MYRIP: variants seen among roughly 807,000 people sequenced by gnomAD.
The protein encoded by MYRIP is rab effector MyRIP.
A neutral mutation model predicts 98.0 loss-of-function variants in MYRIP; 49 were observed. The ratio of observed to expected loss-of-function variants is 0.50; its 90% CI spans 0.40 to 0.63. The LOEUF is 0.63. Among genes scored for constraint, MYRIP ranks in the 30% least tolerant of loss-of-function variants. MYRIP has a pLI of 0.00. For missense variants in MYRIP, 1,004 were observed against 1,058.2 expected (o/e 0.95, Z 0.71); for synonymous variants, 404 against 409.5 (o/e 0.99, Z 0.16).
At position 39,915,494 on chromosome 3, in the gene MYRIP, A is replaced by C. The variant is rs145310629; in HGVS notation, c.110+14568A>C. ...GCTAACTAAAAATTATATACTAATAAAAAATTATTTTCATGGTGAGCTTCT... is the reference window on the plus strand; with the variant it reads ...GCTAACTAAAAATTATATACTAATACAAAATTATTTTCATGGTGAGCTTCT... On this transcript the variant is annotated intron_variant, in intron 2 of 16. Coordinates refer to ENST00000302541, the MANE Select transcript of MYRIP (RefSeq NM_015460.4). Among the ~76,000 whole-genome samples, 1,403 of 152,156 alleles carry C rather than the reference A, an allele frequency of 9.2e-3. 25 individuals carry two copies. The highest frequency in any genetic ancestry group is 0.032 in the African/African-American group (1,328 of 41,566).
chr3:39,966,105 A>T (rs1448911326), intron 2 of MYRIP, among the ~76,000 whole-genome samples: 1 of 152,098 alleles, frequency 6.6e-6, no homozygotes, highest in African/African-American at 2.4e-5. Context: ...CGAGGTAAGT[A>T]CACCCCAGCC....
At chr3:39,914,957 T>C (rs1285676774) in intron 2 of MYRIP, among the ~76,000 whole-genome samples, 1 of 152,118 alleles carries the variant, frequency 6.6e-6, no homozygotes, top group Non-Finnish European at 1.5e-5. Flanking sequence ...CACTTAGATT[T>C]TATTCAGCTA....
intron 1 of MYRIP, among the ~76,000 whole-genome samples, chr3:39,876,718 G>T (rs187975599): frequency 0.17 from 25,228 of 151,656 alleles, 3,987 homozygotes; most frequent in African/African-American, 0.41. Context: ...TCTGCTGTTA[G>T]TCTGATGGGT....
rs555670770 is a variant in MYRIP, at chr3:39,975,432, T to C, written c.111-68618T>C. Among the ~76,000 whole-genome samples the C allele has an allele frequency of 9.7e-3, 1,478 of 151,806 alleles. 19 individuals carry two copies. The highest frequency in any genetic ancestry group is 0.034 in the African/African-American group (1,409 of 41,218). ...CAAATGGAAGAACATTCCATGCTCA[T>C]GGGTAGGAAGAATCAATATCGTGAA... On this transcript the variant is annotated intron_variant, in intron 2 of 16. Transcript: ENST00000302541.
chr3:39,857,663 A>T (rs7639033), intron 1 of MYRIP, among the ~76,000 whole-genome samples: 74,102 of 152,010 alleles, frequency 0.49, 19,523 homozygotes, highest in African/African-American at 0.7. Context: ...AAAAACAAAC[A>T]TATTAAGCAT....
intron 3 of MYRIP, among the ~76,000 whole-genome samples, chr3:40,046,179 T>G (rs747333971): frequency 2.6e-5 from 4 of 151,844 alleles, no homozygotes; most frequent in Non-Finnish European, 4.4e-5. Flanking sequence ...TTTTCTGAAA[T>G]GAGAAGAAGG....
rs542709088 is a variant in MYRIP at position 39,852,987 on chromosome 3, G to C, written c.-31+43071G>C. On this transcript the variant is annotated intron_variant, in intron 1 of 16. Coordinates refer to ENST00000302541, the MANE Select transcript of MYRIP (RefSeq NM_015460.4). ...GATAGAGACGGGGTTTCATCATGTTGGTCAGGGTGATCTCGAACTCCTGAC... is the reference window on the plus strand; with the variant it reads ...GATAGAGACGGGGTTTCATCATGTTCGTCAGGGTGATCTCGAACTCCTGAC... Among the ~76,000 whole-genome samples, 7 of 152,222 alleles carry C rather than the reference G, an allele frequency of 4.6e-5. 2 individuals carry two copies. Among genetic ancestry groups the C allele is most frequent in the African/African-American group, 1.7e-4 (7 of 41,528 alleles).
chr3:39,817,224 C>T (rs141765383), intron 1 of MYRIP, among the ~76,000 whole-genome samples: 1 of 152,280 alleles, frequency 6.6e-6, no homozygotes, highest in African/African-American at 2.4e-5. Context: ...GCTGACAGCC[C>T]TAAACCTGGT....
intron 3 of MYRIP, among the ~76,000 whole-genome samples, chr3:40,147,720 G>A (rs372527839): frequency 2.0e-5 from 3 of 152,150 alleles, no homozygotes; most frequent in African/African-American, 7.2e-5. Context: ...TTGATTTTCT[G>A]AAAGCTTCTA....
At chr3:39,984,517 A>C (rs1945983261) in intron 2 of MYRIP, among the ~76,000 whole-genome samples, 1 of 152,198 alleles carries the variant, frequency 6.6e-6, no homozygotes. Context: ...GACAATGATG[A>C]TTTCCAATTT....
intron 3 of MYRIP, among the ~76,000 whole-genome samples, chr3:40,123,663 C>T (rs980133497): frequency 1.6e-4 from 24 of 152,196 alleles, no homozygotes; most frequent in African/African-American, 5.8e-4. Context: ...AGCCTAAGAT[C>T]CATTGTGAGC....
chr3:39,904,847 GA>G (rs1236639600), intron 2 of MYRIP, among the ~76,000 whole-genome samples: 1 of 152,148 alleles, frequency 6.6e-6, no homozygotes, highest in Non-Finnish European at 1.5e-5. Context: ...CAGCACTGGG[GA>G]TGTGATGCAT....
rs544879146 is a variant in MYRIP at position 40,224,795 on chromosome 3, G to A, written c.1906-9064G>A. 2.0e-5 allele frequency among the ~76,000 whole-genome samples: 3 copies of A among 152,328 alleles called. No homozygotes were observed. In the East Asian group the frequency reaches 5.8e-4, roughly 29 times the overall value. Reference sequence around the variant, plus strand: ...AGTTCTCCTCTAATCTCTGTTATGTGTAAATGTTTCAGTGCATTACATATG... The same window carrying A: ...AGTTCTCCTCTAATCTCTGTTATGTATAAATGTTTCAGTGCATTACATATG... On this transcript the variant is annotated intron_variant, in intron 11 of 16. Coordinates refer to ENST00000302541, the MANE Select transcript of MYRIP (RefSeq NM_015460.4).
intron 4 of MYRIP, 68 bp downstream of exon 4, chr3:40,151,252 C>A: frequency 1.3e-6 from 2 of 1,493,100 alleles, no homozygotes; most frequent in African/African-American, 1.4e-5. Flanking sequence ...GGCTCAGGGG[C>A]CCTGAACACT....
chr3:39,952,656 A>C (rs1055477579), intron 2 of MYRIP, among the ~76,000 whole-genome samples: 4 of 152,202 alleles, frequency 2.6e-5, no homozygotes, highest in African/African-American at 9.6e-5. Context: ...GCCTCATAGA[A>C]TGAAATACGA....
chr3:39,907,150 G>A lies in MYRIP; in HGVS notation c.110+6224G>A, dbSNP rs543726672. 1.2e-3 allele frequency among the ~76,000 whole-genome samples: 179 copies of A among 152,250 alleles called. 2 individuals are homozygous for A. In the South Asian group the frequency reaches 0.036, roughly 31 times the overall value. ...ATTTGGTTTAGTGTTCATCATCAAA[G>A]GCCATGTTCCCTCCTCTCCATCTGC... On this transcript the variant is annotated intron_variant, in intron 2 of 16. Coordinates refer to ENST00000302541, the MANE Select transcript of MYRIP (RefSeq NM_015460.4).
At chr3:40,130,898 C>T (rs1472422788) in intron 3 of MYRIP, among the ~76,000 whole-genome samples, 3 of 152,148 alleles carry the variant, frequency 2.0e-5, no homozygotes, top group Non-Finnish European at 4.4e-5. Flanking sequence ...TCACAACCCA[C>T]TCATCCAAGC....
chr3:40,029,000 A>G (rs1947197589), intron 2 of MYRIP, among the ~76,000 whole-genome samples: 1 of 152,178 alleles, frequency 6.6e-6, no homozygotes, highest in Non-Finnish European at 1.5e-5. Flanking sequence ...AGTCCTGTGT[A>G]TCAGCAAACA....
Position 39,811,060 on chromosome 3 carries a change from C to T in MYRIP, c.-31+1144C>T, listed in dbSNP as rs183078166. 1.1e-4 allele frequency among the ~76,000 whole-genome samples: 16 copies of T among 152,292 alleles called. No homozygotes were observed. In the East Asian group the frequency reaches 3.1e-3, roughly 29 times the overall value. On this transcript the variant is annotated intron_variant, in intron 1 of 16. Transcript: ENST00000302541. ...AATGATGTCGGGTGTGATTCTTTTA[C>T]TCCAGGTCCTTTGAGGTGGCTCCAG...
Sources: allele counts gnomAD v4.1 joint callset (sites outside exome capture counted in the v4.1 genomes callset), GRCh38; gene constraint gnomAD v4.1.1; transcripts MANE v1.5; gene names NCBI Gene and HGNC (gene_info 2026-07-23, HGNC 2026-07-21).